Variants in KIF16B observed in about 807,000 individuals in gnomAD.
KIF16B encodes the protein kinesin family member 16B.
A neutral mutation model predicts 156.3 loss-of-function variants in KIF16B; 98 were observed. The ratio of observed to expected loss-of-function variants is 0.63; its 90% CI spans 0.53 to 0.74. The LOEUF is 0.74. Ranked by LOEUF, KIF16B falls within the 30% of genes least tolerant of loss-of-function variation. KIF16B has a pLI of 0.00. For missense variants in KIF16B, 1,421 were observed against 1,606.5 expected, an observed-to-expected ratio of 0.88 and a Z score of 1.97; for synonymous variants, 564 against 583.7, an observed-to-expected ratio of 0.97 and a Z score of 0.49.
At chr20:16,478,098 G>T (rs2067870024) in intron 12 of KIF16B, among the ~76,000 whole-genome samples, 1 of 152,192 alleles carries the variant, frequency 6.6e-6, no homozygotes, top group Non-Finnish European at 1.5e-5. Context: ...GAGTGAACAG[G>T]AGAGAGCTGG....
intron 12 of KIF16B, among the ~76,000 whole-genome samples, chr20:16,469,044 G>A (rs1341905308): frequency 6.6e-6 from 1 of 152,072 alleles, no homozygotes; most frequent in African/African-American, 2.4e-5. Context: ...CCTGAGGCTA[G>A]AAACTTGAGA....
intron 12 of KIF16B, among the ~76,000 whole-genome samples, chr20:16,449,310 A>G (rs2067017424): frequency 6.6e-6 from 1 of 152,196 alleles, no homozygotes; most frequent in Admixed American, 6.5e-5. Flanking sequence ...ATCCTATAGT[A>G]TCAACACAAA....
intron 15 of KIF16B, among the ~76,000 whole-genome samples, chr20:16,413,542 T>G (rs2066010328): frequency 6.6e-6 from 1 of 152,158 alleles, no homozygotes; most frequent in Non-Finnish European, 1.5e-5. Context: ...AATGTACCAA[T>G]TATTTCATTT....
chr20:16,392,724 A>G (rs2065398680), intron 17 of KIF16B, among the ~76,000 whole-genome samples: 1 of 152,216 alleles, frequency 6.6e-6, no homozygotes, highest in Admixed American at 6.5e-5. Context: ...TCTCTGTTGC[A>G]GTGCATTTTC....
At chr20:16,285,911 A>C (rs1011524425) in intron 25 of KIF16B, among the ~76,000 whole-genome samples, 4 of 152,220 alleles carry the variant, frequency 2.6e-5, no homozygotes, top group Non-Finnish European at 5.9e-5. Context: ...GTACATAAGC[A>C]ACATACTCTT....
chr20:16,418,259 A>G (rs2066140131), intron 15 of KIF16B, among the ~76,000 whole-genome samples: 1 of 152,180 alleles, frequency 6.6e-6, no homozygotes, highest in African/African-American at 2.4e-5. Context: ...TAACTCCAGT[A>G]TAATTAGCTT....
chr20:16,285,381 C>A (rs1381651397), intron 25 of KIF16B, among the ~76,000 whole-genome samples: 1 of 152,184 alleles, frequency 6.6e-6, no homozygotes, highest in Non-Finnish European at 1.5e-5. Context: ...TGCATGTGTA[C>A]ATGTCTTCGC....
Position 16,537,701 on chromosome 20 carries a change from T to C in KIF16B, c.48-9261A>G, listed in dbSNP as rs1403522734. 2.1e-5 allele frequency among the ~76,000 whole-genome samples: 3 copies of C among 140,248 alleles called. No homozygotes were observed. In the East Asian group the frequency reaches 6.7e-4, roughly 31 times the overall value. The allele number at this position is 140,248 out of a possible 152,430, so 92.0% of individuals were successfully genotyped here. On this transcript the variant is annotated intron_variant, in intron 1 of 25. Coordinates refer to ENST00000354981, the MANE Select transcript of KIF16B (RefSeq NM_024704.5). ...ATGTTCTTTTTCTTTTTTTCTTTTT[T>C]TCGTTTTTTTTTTTTTTTTTTGAGA...
At chr20:16,544,919 A>G (rs111594071) in intron 1 of KIF16B, among the ~76,000 whole-genome samples, 64 of 152,364 alleles carry the variant, frequency 4.2e-4, no homozygotes, top group African/African-American at 1.4e-3. Flanking sequence ...CAGCTAAAAC[A>G]AGATACTATT....
chr20:16,319,229 G>T (rs959842108), intron 24 of KIF16B, among the ~76,000 whole-genome samples: 50 of 152,248 alleles, frequency 3.3e-4, no homozygotes, highest in African/African-American at 1.0e-3. Context: ...ATAAAGTATA[G>T]ACATTAGTTA....
At chr20:16,285,259 T>G (rs770327879) in intron 25 of KIF16B, among the ~76,000 whole-genome samples, 13 of 152,212 alleles carry the variant, frequency 8.5e-5, no homozygotes, top group Non-Finnish European at 1.3e-4. Context: ...GAGTATGCAT[T>G]AATATTCCTG....
intron 12 of KIF16B, among the ~76,000 whole-genome samples, chr20:16,453,583 T>G (rs2067140757): frequency 6.6e-6 from 1 of 151,900 alleles, no homozygotes; most frequent in Non-Finnish European, 1.5e-5. Context: ...GATCACTACA[T>G]GAAGAGCCAT....
chr20:16,363,312 G>T (rs1469190031), intron 22 of KIF16B, among the ~76,000 whole-genome samples: 2 of 152,144 alleles, frequency 1.3e-5, no homozygotes, highest in African/African-American at 4.8e-5. Context: ...AAGGCAATCA[G>T]CCCATCCATG....
chr20:16,467,151 A>G (rs186534842), intron 12 of KIF16B, among the ~76,000 whole-genome samples: 1 of 152,348 alleles, frequency 6.6e-6, no homozygotes, highest in East Asian at 1.9e-4. Flanking sequence ...AAATAACCCA[A>G]CTTCAGCTCC....
chr20:16,527,860 G>A (rs1416418602), intron 2 of KIF16B, among the ~76,000 whole-genome samples: 2 of 152,130 alleles, frequency 1.3e-5, no homozygotes, highest in East Asian at 3.9e-4. Flanking sequence ...TGCCAAAGGA[G>A]AAACTTGCCA....
chr20:16,341,554 C>A (rs4814474), intron 23 of KIF16B, among the ~76,000 whole-genome samples: 71,690 of 152,002 alleles, frequency 0.47, 17,852 homozygotes, highest in East Asian at 0.94. Flanking sequence ...TTGCCTCTTA[C>A]CTTACTTGAT....
chr20:16,443,773 T>C (rs921848888), intron 12 of KIF16B, among the ~76,000 whole-genome samples: 1 of 152,202 alleles, frequency 6.6e-6, no homozygotes, highest in Non-Finnish European at 1.5e-5. Flanking sequence ...GTTGACTGCA[T>C]ATGGCCCCAA....
At chr20:16,424,257 A>G (rs1184803818) in intron 15 of KIF16B, among the ~76,000 whole-genome samples, 1 of 152,066 alleles carries the variant, frequency 6.6e-6, no homozygotes, top group Non-Finnish European at 1.5e-5. Context: ...GAAAAAACAG[A>G]TGGAGAGATG....
chr20:16,570,070 G>T (rs1438840153), intron 1 of KIF16B, among the ~76,000 whole-genome samples: 1 of 151,870 alleles, frequency 6.6e-6, no homozygotes, highest in East Asian at 1.9e-4. Context: ...CTCTACCTTG[G>T]AACTCTTTTA....
Sources: gnomAD v4.1 joint callset for allele counts (sites outside exome capture counted in the v4.1 genomes callset) on GRCh38, gnomAD v4.1.1 for gene constraint, MANE v1.5 for transcripts, NCBI Gene and HGNC (gene_info 2026-07-23, HGNC 2026-07-21) for gene names.